The following RAD9A variants were observed in gnomAD, a reference collection of about 807,000 sequenced individuals.
RAD9A encodes the protein RAD9 checkpoint clamp component A.
In RAD9A, 25 loss-of-function variants were observed where a neutral mutation model predicts 41.2. That is an observed-to-expected ratio of 0.61 (90% confidence interval 0.44 to 0.85). The LOEUF (loss-of-function observed/expected upper bound fraction) is 0.85, where lower values mean the gene tolerates loss of function less well. RAD9A is among the 40% of genes least tolerant of loss of function. The probability of loss-of-function intolerance (pLI) is 0.00; values close to 1 mark genes in which losing one functional copy is unlikely to be tolerated. For missense variants in RAD9A, 514 were observed against 518.3 expected (o/e 0.99, Z 0.08); for synonymous variants, 252 against 210.6 (o/e 1.20, Z -1.70).
chr11:67,395,641 C>G, intron 5 of RAD9A, 75 bp from the exon 6 acceptor site: 1 of 1,173,042 alleles, frequency 8.5e-7, no homozygotes, highest in African/African-American at 1.5e-5. Flanking sequence ...ATGTGTCACC[C>G]CCACCTCAGG....
At chr11:67,393,442 G>A in intron 3 of RAD9A, 54 bp from the exon 4 acceptor site, 1 of 1,599,844 alleles carries the variant, frequency 6.3e-7, no homozygotes. Flanking sequence ...GCATGGGACA[G>A]GAGAGCTTGT....
intron 6 of RAD9A, 42 bp from the exon 7 acceptor site, chr11:67,395,870 G>C (rs1565117604): frequency 6.2e-7 from 1 of 1,612,848 alleles, no homozygotes; most frequent in Non-Finnish European, 8.5e-7. Context: ...TGGCAGGTGG[G>C]AGAGGGGCGG....
chr11:67,393,445 G>T, intron 3 of RAD9A, 51 bp from the exon 4 acceptor site: 1 of 1,603,818 alleles, frequency 6.2e-7, no homozygotes. Flanking sequence ...TGGGACAGGA[G>T]AGCTTGTTGC....
Position 67,398,055 on chromosome 11 carries a change from T to C in RAD9A, c.*496T>C, listed in dbSNP as rs185452613. The C allele has an allele frequency of 4.0e-5, 8 of 198,570 alleles. No individual in the cohort carries two copies. The highest frequency in any genetic ancestry group is 1.1e-4 in the Admixed American group (2 of 18,554). 12.3% of individuals were successfully genotyped at this position (198,570 alleles called of 1,614,324 possible). A position where few individuals can be genotyped will look rare whatever the true frequency, so the allele number is the denominator to read the frequency against. ...ATACTCTTTGGCGCTGACTTGGAAT[T>C]CTAAGAGCCTTGGACCCGAGTGTGT... is the stretch of plus-strand genomic sequence containing the variant. On this transcript the variant is annotated 3_prime_UTR_variant, in exon 11 of 11. Coordinates refer to ENST00000307980, the MANE Select transcript of RAD9A (RefSeq NM_004584.3).
At chr11:67,396,208 T>G in intron 8 of RAD9A, 33 bp downstream of exon 8, 15 of 1,614,102 alleles carry the variant, frequency 9.3e-6, no homozygotes, top group Non-Finnish European at 1.3e-5. Flanking sequence ...GGAAGGGCTC[T>G]GGGATGGCAG....
At chr11:67,394,135 C>T (rs1862615710) in intron 5 of RAD9A, among the ~76,000 whole-genome samples, 2 of 152,360 alleles carry the variant, frequency 1.3e-5, no homozygotes, top group Middle Eastern at 3.4e-3. Flanking sequence ...TCTTGTCTGG[C>T]TTGAGTAACC....
In RAD9A at chr11:67,397,341, TG is replaced by T. The variant is rs1565119068; in HGVS notation, c.1036del (p.Glu346ArgfsTer51). 1.3e-6 allele frequency: 2 copies of T among 1,589,920 alleles called. No individual in the cohort carries two copies. Among genetic ancestry groups the T allele is most frequent in the African/African-American group, 2.8e-5 (2 of 70,856 alleles). ...SPGPHSEEED[E>X]AEPSTVPGTP... The stretch of plus-strand genomic sequence containing the variant: ...CCGGTCCCCACTCCGAGGAGGAAGA[TG>T]AGGCTGAGCCCAGTACAGTGCCTGG... On this transcript the variant is annotated frameshift_variant, in exon 10 of 11. Transcript: ENST00000307980. LOFTEE classifies it high-confidence loss of function.
At position 67,396,037 on chromosome 11, in the gene RAD9A, G is replaced by T; in HGVS notation, c.669+16G>T. ...GGAATTCCGGGTGAGGTTCCTCCCA[G>T]GCGCTCGCCGTCCTGTCCTCCCTGC... On this transcript the variant is annotated intron_variant, in intron 7 of 10. Coordinates refer to ENST00000307980, the MANE Select transcript of RAD9A (RefSeq NM_004584.3). The T allele has an allele frequency of 8.1e-6, 13 of 1,614,038 alleles. No individual in the cohort carries two copies. The highest frequency in any genetic ancestry group is 1.1e-5 in the Non-Finnish European group (13 of 1,179,908).
intron 5 of RAD9A, 196 bp from the exon 6 acceptor site, chr11:67,395,520 G>A (rs910174531): frequency 5.1e-6 from 3 of 585,846 alleles, no homozygotes; most frequent in African/African-American, 3.7e-5. Flanking sequence ...GGTCTGCATG[G>A]TCAGGTGCCG....
At position 67,393,144 on chromosome 11, in the gene RAD9A, G is replaced by A; in HGVS notation, c.235-352G>A. ...AAAATACAAAAATTAGCTGGGCGTG[G>A]TGGCACGCGCCTGTAATCCCAGCTA... On this transcript the variant is annotated intron_variant, in intron 3 of 10. Coordinates refer to ENST00000307980, the MANE Select transcript of RAD9A (RefSeq NM_004584.3). 6.7e-6 allele frequency: 3 copies of A among 446,212 alleles called. No individual in the cohort carries two copies. The East Asian group carries it at 2.1e-4, about 32-fold the overall frequency. The allele number at this position is 446,212 out of a possible 1,614,324, so 27.6% of individuals were successfully genotyped here. A position where few individuals can be genotyped will look rare whatever the true frequency, so the allele number is the denominator to read the frequency against.
chr11:67,397,019 C>T (rs969378822), intron 9 of RAD9A, among the ~76,000 whole-genome samples, 160 bp from the exon 10 acceptor site: 1 of 152,192 alleles, frequency 6.6e-6, no homozygotes, highest in African/African-American at 2.4e-5. Context: ...GAAGTCACCA[C>T]TTAACCCCTG....
In RAD9A at chr11:67,396,412, T is replaced by C. The variant is rs368183672; in HGVS notation, c.872+12T>C. ...CTCCAGGCTCACAGGTGAGGGCACC[T>C]CCCCCCAACTCCTCCTCTCTCCATG... is the stretch of plus-strand genomic sequence containing the variant. On this transcript the variant is annotated intron_variant, in intron 9 of 10. Transcript: ENST00000307980. 477 of 1,612,228 alleles carry C rather than the reference T, an allele frequency of 3.0e-4. No individual in the cohort carries two copies. The highest frequency in any genetic ancestry group is 3.9e-4 in the Non-Finnish European group (457 of 1,179,470).
At chr11:67,392,599 C>A in intron 2 of RAD9A, 55 bp from the exon 3 acceptor site, 1 of 1,605,454 alleles carries the variant, frequency 6.2e-7, no homozygotes, top group Non-Finnish European at 8.5e-7. Context: ...AGCCAGAGGG[C>A]TGGGTCTGTG....
At position 67,397,376 on chromosome 11, in the gene RAD9A, C is replaced by T; in HGVS notation, c.1070C>T (p.Pro357Leu). The T allele has an allele frequency of 1.2e-6, 2 of 1,601,840 alleles. No homozygotes were observed. The highest frequency in any genetic ancestry group is 1.7e-6 in the Non-Finnish European group (2 of 1,172,146). Residue 357 changes from proline to leucine, a missense_variant, in exon 10 of 11, where the codon CCA becomes CTA. Physicochemically the swap from Pro to Leu is moderately conservative, Grantham distance 98 (BLOSUM62 -3). Transcript: ENST00000307980. Reference sequence around the variant, plus strand: ...CCCAGTACAGTGCCTGGGACTCCCCCACCCAAGAAGGTAGGGACTGGAGGT... The same window carrying T: ...CCCAGTACAGTGCCTGGGACTCCCCTACCCAAGAAGGTAGGGACTGGAGGT... ...AEPSTVPGTP[P>L]PKKFRSLFFG...
In RAD9A at chr11:67,392,170, A is replaced by G. The variant is rs1368745071; in HGVS notation, c.44A>G (p.Lys15Arg). ...GCTCTTCTCCCCGCAGTGCTCGGCA[A>G]GGCCGTCCACTCCCTGTCCCGCATC... ...VTGGNVKVLG[K>R]AVHSLSRIGD... is the part of the protein sequence containing the mutation. Residue 15 changes from lysine (K) to arginine (R), a missense_variant, in exon 2 of 11, where the codon AAG (lysine) becomes AGG (arginine). Around this residue, in one of 3 missense-constraint regions of RAD9A, gnomAD observed 268 missense variants for 279.3 expected, o/e 0.96. Transcript: ENST00000307980. The G allele has an allele frequency of 2.0e-6, 3 of 1,481,102 alleles. No individual in the cohort carries two copies. The South Asian group carries it at 3.4e-5, about 17-fold the overall frequency. 91.7% of individuals were successfully genotyped at this position (1,481,102 alleles called of 1,614,324 possible). A position where few individuals can be genotyped will look rare whatever the true frequency, so the allele number is the denominator to read the frequency against.
intron 2 of RAD9A, 108 bp downstream of exon 2, chr11:67,392,339 CAA>C: frequency 1.9e-6 from 2 of 1,073,714 alleles, no homozygotes; most frequent in Non-Finnish European, 2.6e-6. Flanking sequence ...GATTTGTCGG[CAA>C]AGTTTCAGTT....
rs750692259 is a variant in RAD9A, at chr11:67,396,394, C to G, written c.866C>G (p.Ala289Gly). 25 of 1,613,740 alleles carry G rather than the reference C, an allele frequency of 1.5e-5. 1 individual carries two copies. In the South Asian group the frequency reaches 2.6e-4, roughly 17 times the overall value. The change falls in exon 9 of 11, where the codon GCT (alanine) becomes GGT (glycine). Residue 289 changes from alanine (A) to glycine (G), a missense_variant. Physicochemically the swap from Ala to Gly is moderately conservative, Grantham distance 60. Transcript: ENST00000307980. ...CACCAGCCAGTGCCTCAGCTCCAGG[C>G]TCACAGGTGAGGGCACCTCCCCCCA... ...ERHQPVPQLQ[A>G]HSTPHPDDFA...
At chr11:67,394,758 G>A (rs1297776319) in intron 5 of RAD9A, among the ~76,000 whole-genome samples, 2 of 151,922 alleles carry the variant, frequency 1.3e-5, no homozygotes, top group African/African-American at 2.4e-5. Context: ...GGGATTACAG[G>A]CATGCGCCAC....
rs150079500 is a variant in RAD9A at position 67,395,820 on chromosome 11, A to C, written c.554A>C (p.Glu185Ala). The C allele has an allele frequency of 4.7e-5, 76 of 1,613,358 alleles. No individual in the cohort carries two copies. Among genetic ancestry groups the C allele is most frequent in the Non-Finnish European group, 5.6e-5 (66 of 1,179,920 alleles). ...RVILRSYHEE[E>A]ADSTAKAMVT... Reference sequence around the variant, plus strand: ...ATCCTGCGCAGCTACCACGAGGAGGAGGCAGGTGAGGGGGCTGGACGTGGC... The same window carrying C: ...ATCCTGCGCAGCTACCACGAGGAGGCGGCAGGTGAGGGGGCTGGACGTGGC... The change falls in exon 6 of 11, where the codon GAG (glutamate) becomes GCG (alanine). Residue 185 changes from glutamate (E) to alanine (A), a missense_variant. By Grantham distance (107) the Glu-to-Ala change is moderately radical. Coordinates refer to ENST00000307980, the MANE Select transcript of RAD9A (RefSeq NM_004584.3).
Sources: gnomAD v4.1 joint callset for allele counts (sites outside exome capture counted in the v4.1 genomes callset) on GRCh38, gnomAD v4.1.1 for gene constraint, gnomAD v4.1.1 regional missense constraint, MANE v1.5 for transcripts, NCBI Gene and HGNC (gene_info 2026-07-23, HGNC 2026-07-21) for gene names.